Variants in HOOK2 observed in about 807,000 individuals in gnomAD.
HOOK2 encodes hook microtubule tethering protein 2.
In HOOK2, 108 loss-of-function variants were observed where a neutral mutation model predicts 111.9. The ratio of observed to expected loss-of-function variants is 0.96; its 90% CI spans 0.83 to 1.13. The LOEUF is 1.13. HOOK2 is among the 50% of genes most tolerant of loss of function. The pLI is 0.00. For synonymous variants in HOOK2, 405 were observed against 394.3 expected, an observed-to-expected ratio of 1.03 and a Z score of -0.32; for missense variants, 978 against 951.3, an observed-to-expected ratio of 1.03 and a Z score of -0.37.
rs1418400840 is a variant in HOOK2 at position 12,771,031 on chromosome 19, T to A, written c.803A>T (p.Glu268Val). 1.9e-6 allele frequency: 3 copies of A among 1,612,852 alleles called. No individual in the cohort carries two copies. Among genetic ancestry groups the A allele is most frequent in the South Asian group, 1.1e-5 (1 of 90,988 alleles). ...GREDERLRCA[E>V]LEREVAELQH... Reference sequence around the variant, plus strand: ...CAGCTCCGCAACCTCCCTCTCCAGCTCGGCACAGCGCAGGCGCTCATCCTC... The same window carrying A: ...CAGCTCCGCAACCTCCCTCTCCAGCACGGCACAGCGCAGGCGCTCATCCTC... The change falls in exon 10 of 23, where the codon GAG becomes GTG. Residue 268 changes from glutamate (E) to valine (V), a missense_variant. Around this residue, in one of 5 missense-constraint regions of HOOK2, gnomAD observed 388 missense variants for 358.3 expected, o/e 1.08. Coordinates refer to ENST00000397668, the MANE Select transcript of HOOK2 (RefSeq NM_013312.3).
At chr19:12,789,162 G>C (rs1599521814) in intron 3 of HOOK2, among the ~76,000 whole-genome samples, 2 of 152,008 alleles carry the variant, frequency 1.3e-5, no homozygotes, top group East Asian at 3.9e-4. Flanking sequence ...AGAAGACAGA[G>C]GCCTGGGAAG....
At position 12,766,177 on chromosome 19, in the gene HOOK2, C is replaced by T. The variant is rs757463362; in HGVS notation, c.1437G>A (p.Arg479=). The part of the protein sequence containing the change: ...KRLCRQEAAD[R]ERQEELQRHL... ...GGCGCTGCAGCTCCTCCTGCCGCTC[C>T]CGGTCGGCCGCCTCCTGCCTGCACA... The change falls in exon 15 of 23, where the codon CGG becomes CGA. Residue 479 remains arginine, a synonymous_variant. Transcript: ENST00000397668. 1.9e-6 allele frequency: 3 copies of T among 1,597,798 alleles called. No homozygotes were observed. Among genetic ancestry groups the T allele is most frequent in the Admixed American group, 1.7e-5 (1 of 59,702 alleles).
At chr19:12,789,667 G>A (rs1186772202) in intron 3 of HOOK2, among the ~76,000 whole-genome samples, 1 of 151,536 alleles carries the variant, frequency 6.6e-6, no homozygotes, top group Admixed American at 6.6e-5. Flanking sequence ...CCCTCTCCGC[G>A]CCCCGTCGGG....
intron 14 of HOOK2, among the ~76,000 whole-genome samples, chr19:12,766,959 G>A (rs1437548703): frequency 6.6e-6 from 1 of 152,090 alleles, no homozygotes; most frequent in African/African-American, 2.4e-5. Context: ...AAACTCCTGG[G>A]CTCAAGTGAT....
At chr19:12,788,787 T>G (rs1368297503) in intron 3 of HOOK2, among the ~76,000 whole-genome samples, 3 of 152,106 alleles carry the variant, frequency 2.0e-5, no homozygotes, top group African/African-American at 7.2e-5. Flanking sequence ...GTTATTAGCC[T>G]GGGCGGGAGA....
chr19:12,766,552 C>CG, intron 14 of HOOK2: 1 of 373,612 alleles, frequency 2.7e-6, no homozygotes, highest in East Asian at 4.2e-5. Flanking sequence ...GACAGTTTTT[C>CG]GGGGTTTTTT....
chr19:12,766,178 C>T lies in HOOK2; in HGVS notation c.1436G>A (p.Arg479Gln), dbSNP rs199712830. Residue 479 changes from arginine (R) to glutamine (Q), a missense_variant, in exon 15 of 23, where the codon CGG (arginine) becomes CAG (glutamine). Arg to Gln is a conservative substitution (Grantham distance 43). Coordinates refer to ENST00000397668, the MANE Select transcript of HOOK2 (RefSeq NM_013312.3). The stretch of plus-strand genomic sequence containing the variant: ...GCGCTGCAGCTCCTCCTGCCGCTCC[C>T]GGTCGGCCGCCTCCTGCCTGCACAG... ...KRLCRQEAAD[R>Q]ERQEELQRHL... 5.6e-6 allele frequency: 9 copies of T among 1,597,626 alleles called. No individual in the cohort carries two copies. In the African/African-American group the frequency reaches 1.1e-4, roughly 19 times the overall value.
At chr19:12,789,831 GC>G (rs1968689715) in intron 3 of HOOK2, among the ~76,000 whole-genome samples, 1 of 151,838 alleles carries the variant, frequency 6.6e-6, no homozygotes, top group Non-Finnish European at 1.5e-5. Context: ...GGCGGTCGGG[GC>G]TGGTCGGGAC....
chr19:12,772,647 G>T lies in HOOK2; in HGVS notation c.422C>A (p.Ser141Ter), dbSNP rs560204067. The T allele has an allele frequency of 2.5e-6, 4 of 1,614,184 alleles. No individual in the cohort carries two copies. Among genetic ancestry groups the T allele is most frequent in the East Asian group, 2.2e-5 (1 of 44,890 alleles). Residue 141 changes from serine (S) to a stop codon, truncating the protein, a stop_gained, in exon 6 of 23, where the codon TCG (serine) becomes TAG (stop). Transcript: ENST00000397668. LOFTEE classifies it high-confidence loss of function. ...GGCTTCCATCACCACATGCTGAACC[G>T]ATTCTTCCAGCGTCATGATTCTCTG... Reference protein sequence around the residue: ...HIQRIMTLEESVQHVVMEAIQ... With the variant: ...HIQRIMTLEE
intron 14 of HOOK2, 31 bp from the exon 15 acceptor site, chr19:12,766,271 G>A: frequency 6.6e-7 from 1 of 1,514,246 alleles, no homozygotes; most frequent in Admixed American, 2.0e-5. Flanking sequence ...AGCAGGGCCA[G>A]GGTCGAGTCA....
At chr19:12,772,709 C>T (rs780760973) in intron 5 of HOOK2, 29 bp from the exon 6 acceptor site, 3 of 1,614,066 alleles carry the variant, frequency 1.9e-6, no homozygotes. Context: ...GAGGCTGAGA[C>T]CCAGGGGTGA....
intron 3 of HOOK2, among the ~76,000 whole-genome samples, chr19:12,789,731 G>T (rs1599522082): frequency 6.6e-6 from 1 of 151,542 alleles, no homozygotes; most frequent in East Asian, 1.9e-4. Flanking sequence ...TGCCGGGCTG[G>T]GTTGGGCCAG....
In HOOK2 at chr19:12,764,837, G is replaced by A. The variant is rs754972063; in HGVS notation, c.1804C>T (p.Arg602Cys). 20 of 1,613,908 alleles carry A rather than the reference G, an allele frequency of 1.2e-5. 1 individual carries two copies. Among genetic ancestry groups the A allele is most frequent in the South Asian group, 3.3e-5 (3 of 91,074 alleles). The change falls in exon 20 of 23, where the codon CGC becomes TGC. Residue 602 changes from arginine to cysteine, a missense_variant. Arg to Cys is a radical substitution (Grantham distance 180). This residue lies in a region of HOOK2 where 277 missense variants were observed against 265.8 expected (regional missense o/e 1.04). Transcript: ENST00000397668. ...ACCATGCGGGCCTTGTCCACGTAGCGGCGGTATCGCTCCTCCATGGCCCGC... is the reference window on the plus strand; with the variant it reads ...ACCATGCGGGCCTTGTCCACGTAGCAGCGGTATCGCTCCTCCATGGCCCGC... ...DLRAMEERYR[R>C]YVDKARMVMQ...
Position 12,791,808 on chromosome 19 carries a change from G to A in HOOK2, n.42-17583C>T. On this transcript the variant is annotated intron_variant and non_coding_transcript_variant, in intron 3 of 3. Transcript: ENST00000589765. This position sits in a 1 kb window ranked among gnomAD's most constrained non-coding sequence, Gnocchi z 7.0. Reference sequence around the variant, plus strand: ...AATGGAACAGCCCTTCTACCACGACGACTCATACACAGCTACGGGATACGG... The same window carrying A: ...AATGGAACAGCCCTTCTACCACGACAACTCATACACAGCTACGGGATACGG... 1 of 1,612,898 alleles carries A rather than the reference G, an allele frequency of 6.2e-7. No individual in the cohort carries two copies. The highest frequency in any genetic ancestry group is 1.3e-5 in the African/African-American group (1 of 74,986).
upstream of HOOK2, among the ~76,000 whole-genome samples, chr19:12,776,050 T>A (rs1185867438): frequency 6.7e-6 from 1 of 149,444 alleles, no homozygotes; most frequent in Non-Finnish European, 1.5e-5. Flanking sequence ...GCTAATTTTT[T>A]GTATTTTTAG....
intron 3 of HOOK2, chr19:12,773,898 A>G (rs1327518294): frequency 6.5e-6 from 1 of 152,852 alleles, no homozygotes; most frequent in Non-Finnish European, 1.5e-5. Context: ...CCATTCCTCC[A>G]TCACACCAAG....
At chr19:12,781,493 A>AT (rs1182042575), upstream of HOOK2, among the ~76,000 whole-genome samples, 10 of 150,926 alleles carry the variant, frequency 6.6e-5, no homozygotes, top group African/African-American at 1.7e-4. Flanking sequence ...CGCCTGGCTA[A>AT]TTTTTTGTAT....
rs771316115 is a variant in HOOK2, at chr19:12,771,437, C to CCCTCCTCAG, written c.551_559dup (p.Ala184_Glu186dup). On this transcript the variant is annotated inframe_insertion, in exon 8 of 23. Coordinates refer to ENST00000397668, the MANE Select transcript of HOOK2 (RefSeq NM_013312.3). The stretch of plus-strand genomic sequence containing the variant: ...CAGACAGCGCTGCTGTAATTCGTCC[C>CCCTCCTCAG]CCTCCTCAGCCTCCTCACTTAGGAA... The CCCTCCTCAG allele has an allele frequency of 8.7e-6, 14 of 1,613,550 alleles. No homozygotes were observed. In the Admixed American group the frequency reaches 2.3e-4, roughly 27 times the overall value.
rs2145803550 is a variant in HOOK2, at chr19:12,790,259, G to T, written n.42-16034C>A. Among the ~76,000 whole-genome samples, 1 of 152,332 alleles carries T rather than the reference G, an allele frequency of 6.6e-6. No homozygotes were observed. Among genetic ancestry groups the T allele is most frequent in the East Asian group, 1.9e-4 (1 of 5,180 alleles). ...AGGCGCAGGATGCGGCGGGACCCAG[G>T]GCGGGGCGCACGGTCCCGTAGGATC... On this transcript the variant is annotated intron_variant and non_coding_transcript_variant, in intron 3 of 3. Coordinates refer to the HOOK2 transcript ENST00000589765. The surrounding 1 kb of genome is among the most constrained non-coding windows in gnomAD (Gnocchi z 7.2).
Sources: allele counts gnomAD v4.1 joint callset (sites outside exome capture counted in the v4.1 genomes callset), GRCh38; gene constraint gnomAD v4.1.1; regional missense constraint gnomAD v4.1.1; non-coding constraint Gnocchi (gnomAD v3.1); transcripts MANE v1.5; gene names NCBI Gene and HGNC (gene_info 2026-07-23, HGNC 2026-07-21).